The following PPP3CA variants were observed in gnomAD, a reference collection of about 807,000 sequenced individuals.
The protein encoded by PPP3CA is protein phosphatase 3 catalytic subunit alpha.
A neutral mutation model predicts 66.5 loss-of-function variants in PPP3CA; 14 were observed. The ratio of observed to expected loss-of-function variants is 0.21; its 90% CI spans 0.14 to 0.33. The LOEUF (loss-of-function observed/expected upper bound fraction) is 0.33, where lower values mean the gene tolerates loss of function less well. PPP3CA is among the 10% of genes least tolerant of loss of function. The pLI is 1.00. For synonymous variants in PPP3CA, 232 were observed against 226.2 expected (o/e 1.03, Z -0.23); for missense variants, 317 against 639.5 (o/e 0.50, Z 5.44).
intron 1 of PPP3CA, among the ~76,000 whole-genome samples, chr4:101,206,511 A>G (rs956859461): frequency 1.4e-4 from 22 of 152,246 alleles, no homozygotes; most frequent in African/African-American, 5.3e-4. Context: ...TGTGCATAAA[A>G]GAAACTTTCA....
chr4:101,157,593 T>A (rs1413216453), intron 2 of PPP3CA, among the ~76,000 whole-genome samples: 1 of 152,172 alleles, frequency 6.6e-6, no homozygotes, highest in Non-Finnish European at 1.5e-5. Flanking sequence ...AAAATGAGAC[T>A]GGTGTCTGTG....
intron 1 of PPP3CA, among the ~76,000 whole-genome samples, chr4:101,341,253 C>G (rs1372421652): frequency 1.4e-5 from 2 of 147,290 alleles, no homozygotes; most frequent in Non-Finnish European, 3.0e-5. Flanking sequence ...GTTGCCCAAG[C>G]TTCCACCTCA....
intron 1 of PPP3CA, among the ~76,000 whole-genome samples, chr4:101,251,486 T>C (rs1018981932): frequency 6.6e-6 from 1 of 152,008 alleles, no homozygotes; most frequent in African/African-American, 2.4e-5. Flanking sequence ...AAAAATTAAG[T>C]TGGATCCAAC....
At position 101,080,637 on chromosome 4, in the gene PPP3CA, C is replaced by A; in HGVS notation, c.861-11G>T. The A allele has an allele frequency of 7.1e-7, 1 of 1,410,274 alleles. No homozygotes were observed. Among genetic ancestry groups the A allele is most frequent in the East Asian group, 2.4e-5 (1 of 42,514 alleles). The allele number at this position is 1,410,274 out of a possible 1,614,324, so 87.4% of individuals were successfully genotyped here. On this transcript the variant is annotated splice_polypyrimidine_tract_variant and intron_variant, in intron 7 of 13. Coordinates refer to ENST00000394854, the MANE Select transcript of PPP3CA (RefSeq NM_000944.5). ...CTGTACATGCGGTACCTAAAAAGAA[C>A]AAATACAGTCAAAACAAAGCTTGTA...
chr4:101,179,241 CTAGT>C lies in PPP3CA; in HGVS notation c.259+16671_259+16674del, dbSNP rs942285755. ...GGTTCCTAGAGTGGTTCCTAGAGTG[CTAGT>C]TAAAGAAAATAGCTACAGAACTGAG... On this transcript the variant is annotated intron_variant, in intron 2 of 13. Transcript: ENST00000394854. Among the ~76,000 whole-genome samples, 93 of 152,122 alleles carry C rather than the reference CTAGT, an allele frequency of 6.1e-4. 1 individual carries two copies. Among genetic ancestry groups the C allele is most frequent in the African/African-American group, 2.2e-3 (92 of 41,496 alleles).
At chr4:101,142,384 G>T (rs1390853794) in intron 2 of PPP3CA, among the ~76,000 whole-genome samples, 1 of 152,176 alleles carries the variant, frequency 6.6e-6, no homozygotes, top group Non-Finnish European at 1.5e-5. Flanking sequence ...GCAGAGTAGT[G>T]GAGACAGTGA....
intron 1 of PPP3CA, among the ~76,000 whole-genome samples, chr4:101,285,824 C>G (rs1419824799): frequency 6.6e-6 from 1 of 152,048 alleles, no homozygotes; most frequent in Non-Finnish European, 1.5e-5. Context: ...AAAGCCGGTC[C>G]AGGGAACACA....
chr4:101,040,650 C>A, intron 10 of PPP3CA, 84 bp from the exon 11 acceptor site: 1 of 1,027,134 alleles, frequency 9.7e-7, no homozygotes, highest in Non-Finnish European at 1.4e-6. Flanking sequence ...ACAACAGACT[C>A]CAGTAAGCAA....
chr4:101,112,382 T>G (rs1320540274), intron 2 of PPP3CA, among the ~76,000 whole-genome samples: 2 of 152,156 alleles, frequency 1.3e-5, no homozygotes, highest in Non-Finnish European at 2.9e-5. Flanking sequence ...GATTTTGGCT[T>G]GATGATATAA....
At chr4:101,313,493 G>A (rs1004919670) in intron 1 of PPP3CA, among the ~76,000 whole-genome samples, 5 of 152,272 alleles carry the variant, frequency 3.3e-5, no homozygotes, top group Non-Finnish European at 5.9e-5. Context: ...TGCAAACATG[G>A]CAGACATGAG....
At chr4:101,228,449 T>C (rs902764218) in intron 1 of PPP3CA, among the ~76,000 whole-genome samples, 3 of 151,634 alleles carry the variant, frequency 2.0e-5, no homozygotes, top group Non-Finnish European at 3.0e-5. Flanking sequence ...CATGGAAACT[T>C]AATAACCAAA....
At chr4:101,071,475 C>T (rs561868120) in intron 8 of PPP3CA, among the ~76,000 whole-genome samples, 2 of 152,246 alleles carry the variant, frequency 1.3e-5, no homozygotes. Flanking sequence ...TTTAACATTC[C>T]TCAGATTGTT....
chr4:101,278,402 C>T (rs116118648), intron 1 of PPP3CA, among the ~76,000 whole-genome samples: 78 of 152,226 alleles, frequency 5.1e-4, no homozygotes, highest in African/African-American at 1.8e-3. Context: ...CCCAAAGACA[C>T]CTGATCCCCT....
At chr4:101,176,628 T>C (rs1355507634) in intron 2 of PPP3CA, among the ~76,000 whole-genome samples, 1 of 152,170 alleles carries the variant, frequency 6.6e-6, no homozygotes, top group African/African-American at 2.4e-5. Flanking sequence ...TCAAACATTC[T>C]TCAAAGTCAA....
chr4:101,065,830 T>A (rs1728657008), intron 8 of PPP3CA, among the ~76,000 whole-genome samples: 1 of 152,144 alleles, frequency 6.6e-6, no homozygotes, highest in Admixed American at 6.6e-5. Context: ...CAAGGGTAAG[T>A]CTCATCCAAT....
intron 6 of PPP3CA, among the ~76,000 whole-genome samples, chr4:101,088,079 C>T (rs939753438): frequency 4.6e-5 from 7 of 152,310 alleles, no homozygotes; most frequent in African/African-American, 1.7e-4. Context: ...ATCCATTCCC[C>T]CTTGGGGTTA....
At chr4:101,034,451 CT>C (rs1431592984) in intron 11 of PPP3CA, among the ~76,000 whole-genome samples, 3 of 152,014 alleles carry the variant, frequency 2.0e-5, no homozygotes, top group Non-Finnish European at 4.4e-5. Context: ...TGTTTACTTG[CT>C]TATTTCTGGT....
intron 1 of PPP3CA, among the ~76,000 whole-genome samples, chr4:101,310,141 C>G (rs1014512825): frequency 1.3e-5 from 2 of 152,148 alleles, no homozygotes; most frequent in Non-Finnish European, 2.9e-5. Context: ...CCATAATTAA[C>G]TTCCTGTTTT....
intron 6 of PPP3CA, among the ~76,000 whole-genome samples, chr4:101,091,825 TAATAATAA>T (rs1729955948): frequency 2.5e-5 from 1 of 39,828 alleles, no homozygotes; most frequent in Admixed American, 1.8e-4. Flanking sequence ...CAGTATCTAA[TAATAATAA>T]TAATAATAAT....
Sources: gnomAD v4.1 joint callset for allele counts (sites outside exome capture counted in the v4.1 genomes callset) on GRCh38, gnomAD v4.1.1 for gene constraint, MANE v1.5 for transcripts, NCBI Gene and HGNC (gene_info 2026-07-23, HGNC 2026-07-21) for gene names.